Variants in ESRRG observed in about 807,000 individuals in gnomAD.
ESRRG encodes the protein estrogen-related receptor gamma.
ESRRG carries 13 observed loss-of-function variants against 44.0 expected under a neutral mutation model. The ratio of observed to expected loss-of-function variants is 0.30; its 90% confidence interval spans 0.19 to 0.47. The LOEUF is 0.47. Among genes scored for constraint, ESRRG ranks in the 20% least tolerant of loss-of-function variants. ESRRG has a pLI of 1.00. For synonymous variants in ESRRG, 215 were observed against 214.6 expected, an observed-to-expected ratio of 1.00 and a Z score of -0.02; for missense variants, 395 against 580.6, an observed-to-expected ratio of 0.68 and a Z score of 3.29.
intron 1 of ESRRG, among the ~76,000 whole-genome samples, chr1:216,992,262 C>T (rs1339468180): frequency 1.3e-5 from 2 of 152,152 alleles, no homozygotes; most frequent in African/African-American, 4.8e-5. Flanking sequence ...TTTTGAAAGT[C>T]TTATTCACTA....
chr1:216,656,729 A>T (rs751382232), intron 2 of ESRRG, among the ~76,000 whole-genome samples: 12 of 152,194 alleles, frequency 7.9e-5, no homozygotes, highest in Non-Finnish European at 1.2e-4. Flanking sequence ...CATGGTAATG[A>T]TGCATTTGGA....
Position 216,665,286 on chromosome 1 carries a change from T to C in ESRRG, c.472+11790A>G, listed in dbSNP as rs1013152552. Among the ~76,000 whole-genome samples, 6 of 152,170 alleles carry C rather than the reference T, an allele frequency of 3.9e-5. No individual in the cohort carries two copies. The East Asian group carries it at 7.7e-4, about 20-fold the overall frequency. On this transcript the variant is annotated intron_variant, in intron 2 of 6. Coordinates refer to ENST00000408911, the MANE Select transcript of ESRRG (RefSeq NM_001438.4). Reference sequence around the variant, plus strand: ...CTCATCTCTATACGGTTCAGTCCCATCTGTGGTTTCAGGTATCCTCTGGGG... The same window carrying C: ...CTCATCTCTATACGGTTCAGTCCCACCTGTGGTTTCAGGTATCCTCTGGGG...
At chr1:216,976,286 ATGTGTGTGTGTG>A (rs61142800) in intron 1 of ESRRG, among the ~76,000 whole-genome samples, 8,662 of 146,910 alleles carry the variant, frequency 0.059, 784 homozygotes, top group African/African-American at 0.2. Context: ...ATGCTCCTAA[ATGTGTGTGTGTG>A]TGTGTGTGTG....
chr1:216,890,714 T>G (rs1035159236), intron 2 of ESRRG, among the ~76,000 whole-genome samples: 1 of 152,162 alleles, frequency 6.6e-6, no homozygotes, highest in African/African-American at 2.4e-5. Context: ...CATGGATGCA[T>G]CAACCTGGGA....
intron 2 of ESRRG, among the ~76,000 whole-genome samples, chr1:216,663,819 T>C (rs1378560214): frequency 6.6e-6 from 1 of 152,058 alleles, no homozygotes; most frequent in African/African-American, 2.4e-5. Flanking sequence ...TACAGAAGTG[T>C]CATCAGTGGC....
chr1:216,953,103 T>TCGAAATGG (rs2067257489), intron 1 of ESRRG, among the ~76,000 whole-genome samples: 1 of 152,122 alleles, frequency 6.6e-6, no homozygotes, highest in African/African-American at 2.4e-5. Flanking sequence ...TGACAGCCAG[T>TCGAAATGG]CGAAATGGTA....
At chr1:216,548,963 A>C (rs2055407294) in intron 5 of ESRRG, among the ~76,000 whole-genome samples, 1 of 152,150 alleles carries the variant, frequency 6.6e-6, no homozygotes, top group Non-Finnish European at 1.5e-5. Context: ...TCTCCATGCA[A>C]ATAAGGGACC....
intron 1 of ESRRG, among the ~76,000 whole-genome samples, chr1:217,116,419 G>A (rs777608356): frequency 5.9e-5 from 9 of 152,130 alleles, no homozygotes; most frequent in East Asian, 1.9e-4. Context: ...TATGGGCGAC[G>A]TTTGACCAAA....
intron 2 of ESRRG, among the ~76,000 whole-genome samples, chr1:216,768,480 A>ATCTATCTATCTATCTATCTATCTGTCTG (rs1553593170): frequency 1.5e-4 from 23 of 150,282 alleles, no homozygotes; most frequent in African/African-American, 4.9e-4. Flanking sequence ...CTATCTATCT[A>ATCTATCTATCTATCTATCTATCTGTCTG]TCTATCTATC....
At chr1:216,542,873 T>C (rs1240007349) in intron 5 of ESRRG, among the ~76,000 whole-genome samples, 8 of 151,998 alleles carry the variant, frequency 5.3e-5, no homozygotes. Flanking sequence ...TAATTTAGTG[T>C]TTATTTGCAC....
chr1:216,647,992 G>A (rs1357436596), intron 3 of ESRRG, among the ~76,000 whole-genome samples: 4 of 152,228 alleles, frequency 2.6e-5, no homozygotes, highest in East Asian at 3.9e-4. Context: ...GACTGCTGTG[G>A]TCAACACGGG....
At position 216,803,458 on chromosome 1, in the gene ESRRG, T is replaced by C. The variant is rs2094687901; in HGVS notation, c.-13-125967A>G. Among the ~76,000 whole-genome samples the C allele has an allele frequency of 3.3e-5, 5 of 152,124 alleles. No homozygotes were observed. In the South Asian group the frequency reaches 1.0e-3, roughly 32 times the overall value. ...CATATGACCATCAATAAAATCCACTTTTCCCACTTACAGATGAGAATAAGA... is the reference window on the plus strand; with the variant it reads ...CATATGACCATCAATAAAATCCACTCTTCCCACTTACAGATGAGAATAAGA... On this transcript the variant is annotated intron_variant, in intron 2 of 7. Coordinates refer to the ESRRG transcript ENST00000359162.
intron 2 of ESRRG, among the ~76,000 whole-genome samples, chr1:216,921,422 T>C (rs1233099448): frequency 1.3e-5 from 2 of 152,112 alleles, no homozygotes; most frequent in African/African-American, 4.8e-5. Context: ...TCCCAAGGGC[T>C]CCCCATCTCC....
chr1:216,866,563 T>G (rs996516901), intron 2 of ESRRG, among the ~76,000 whole-genome samples: 3 of 103,490 alleles, frequency 2.9e-5, no homozygotes, highest in Non-Finnish European at 5.4e-5. Flanking sequence ...GTTTCTTTCT[T>G]TCTTTTTTTT....
chr1:216,626,168 C>A (rs1181321814), intron 3 of ESRRG, among the ~76,000 whole-genome samples: 1 of 152,202 alleles, frequency 6.6e-6, no homozygotes, highest in African/African-American at 2.4e-5. Flanking sequence ...ATTGACAATT[C>A]TGCAGTGCTT....
intron 3 of ESRRG, among the ~76,000 whole-genome samples, chr1:216,584,226 GT>G (rs942642749): frequency 1.5e-4 from 23 of 149,928 alleles, no homozygotes; most frequent in African/African-American, 5.7e-4. Context: ...GGTGCTCTCT[GT>G]TTTTTTAATT....
At position 216,568,094 on chromosome 1, in the gene ESRRG, C is replaced by T. The variant is rs1250091375; in HGVS notation, c.594G>A (p.Val198=). The T allele has an allele frequency of 1.2e-6, 2 of 1,611,848 alleles. No homozygotes were observed. The highest frequency in any genetic ancestry group is 1.3e-5 in the African/African-American group (1 of 74,868). ...CLKVGMLKEG[V]RLDRVRGGRQ... is the part of the protein sequence containing the mutation. The stretch of plus-strand genomic sequence containing the variant: ...GACCTCCACGTACTCTGTCAAGACG[C>T]ACCCCTGTGAGCAAAGACAGGCACC... Residue 198 remains valine (V), a synonymous_variant, in exon 4 of 7, where the codon GTG becomes GTA. Transcript: ENST00000408911.
chr1:216,769,924 G>A (rs1263376398), intron 2 of ESRRG, among the ~76,000 whole-genome samples: 1 of 152,008 alleles, frequency 6.6e-6, no homozygotes, highest in Non-Finnish European at 1.5e-5. Flanking sequence ...ATATTGTTAA[G>A]GAAGAGAATA....
intron 1 of ESRRG, among the ~76,000 whole-genome samples, chr1:216,972,867 T>C (rs985879649): frequency 2.6e-5 from 4 of 152,192 alleles, no homozygotes; most frequent in African/African-American, 9.6e-5. Context: ...TTGTTCTGGT[T>C]GATATTAAAA....
Sources: allele counts gnomAD v4.1 joint callset (sites outside exome capture counted in the v4.1 genomes callset), GRCh38; gene constraint gnomAD v4.1.1; transcripts MANE v1.5; gene names NCBI Gene and HGNC (gene_info 2026-07-23, HGNC 2026-07-21).